GPR158: variants seen among roughly 807,000 people sequenced by gnomAD.
The protein encoded by GPR158 is G protein-coupled receptor 158.
GPR158 carries 30 observed loss-of-function variants against 78.2 expected under a neutral mutation model. The observed-to-expected ratio is 0.38, with a 90% CI of 0.29 to 0.52. The LOEUF is 0.52. Ranked by LOEUF, GPR158 falls within the 20% of genes least tolerant of loss-of-function variation. The probability of loss-of-function intolerance (pLI) is 0.83; values close to 1 mark genes in which losing one functional copy is unlikely to be tolerated. For missense variants in GPR158, 1,463 were observed against 1,523.5 expected, an observed-to-expected ratio of 0.96 and a Z score of 0.66; for synonymous variants, 581 against 591.1, an observed-to-expected ratio of 0.98 and a Z score of 0.25.
intron 2 of GPR158, among the ~76,000 whole-genome samples, chr10:25,366,862 T>C (rs1190899390): frequency 3.3e-5 from 5 of 151,668 alleles, no homozygotes; most frequent in Admixed American, 6.6e-5. Flanking sequence ...TTATTAACCA[T>C]TGTAATGTTC....
intron 4 of GPR158, among the ~76,000 whole-genome samples, chr10:25,443,742 CT>C (rs34049159): frequency 6.7e-6 from 1 of 149,788 alleles, no homozygotes; most frequent in Non-Finnish European, 1.5e-5. Flanking sequence ...CAATGCCCTT[CT>C]TTTTTTTGGT....
In GPR158 at chr10:25,596,663, C is replaced by T; in HGVS notation, c.2019C>T (p.Asn673=). The change falls in exon 10 of 11, where the codon AAC becomes AAT. Residue 673 remains asparagine, a synonymous_variant. Coordinates refer to ENST00000376351, the MANE Select transcript of GPR158 (RefSeq NM_020752.3). ...TTCAGTTTTCACATTCAAGCAATAA[C>T]CCACGAGATGATATTGCTACAGAAG... ...LIPKFSHSSN[N]PRDDIATEAY... is the part of the protein sequence containing the mutation. 6.2e-7 allele frequency: 1 copy of T among 1,613,320 alleles called. No homozygotes were observed. The highest frequency in any genetic ancestry group is 1.1e-5 in the South Asian group (1 of 91,022).
intron 5 of GPR158, among the ~76,000 whole-genome samples, chr10:25,547,238 C>G (rs977686171): frequency 2.0e-5 from 3 of 152,106 alleles, no homozygotes; most frequent in Non-Finnish European, 4.4e-5. Context: ...CGTGCTGTAG[C>G]CGGATGGATT....
At chr10:25,275,160 C>T (rs1024982856) in intron 2 of GPR158, among the ~76,000 whole-genome samples, 1 of 152,172 alleles carries the variant, frequency 6.6e-6, no homozygotes. Context: ...TCTGCAGGCA[C>T]TGTTCCACAG....
intron 5 of GPR158, among the ~76,000 whole-genome samples, chr10:25,508,398 C>T (rs1487770228): frequency 6.6e-6 from 1 of 152,108 alleles, no homozygotes; most frequent in East Asian, 1.9e-4. Flanking sequence ...TAAGGGAAGT[C>T]AAGCACATAT....
At chr10:25,356,645 A>C (rs926035026) in intron 2 of GPR158, among the ~76,000 whole-genome samples, 1 of 152,110 alleles carries the variant, frequency 6.6e-6, no homozygotes, top group Non-Finnish European at 1.5e-5. Context: ...GCTGCTGTGC[A>C]CATAAGATGT....
chr10:25,178,708 T>C (rs1852574420), intron 1 of GPR158, among the ~76,000 whole-genome samples: 1 of 152,208 alleles, frequency 6.6e-6, no homozygotes, highest in Non-Finnish European at 1.5e-5. Context: ...CTGTGAGTGC[T>C]TTGGCCCCAT....
chr10:25,433,689 TC>T (rs781608160), intron 4 of GPR158, among the ~76,000 whole-genome samples: 95 of 77,898 alleles, frequency 1.2e-3, no homozygotes, highest in Non-Finnish European at 1.5e-3. Context: ...TTTCTTTCTT[TC>T]TTTCTTTTTT....
intron 2 of GPR158, among the ~76,000 whole-genome samples, chr10:25,298,737 T>C (rs1854550511): frequency 6.6e-6 from 1 of 152,196 alleles, no homozygotes; most frequent in Non-Finnish European, 1.5e-5. Context: ...ATTTAAAAAT[T>C]ATTTTTTACT....
chr10:25,446,913 TCTC>T (rs1238819804), intron 4 of GPR158, among the ~76,000 whole-genome samples: 3 of 152,186 alleles, frequency 2.0e-5, no homozygotes, highest in Non-Finnish European at 2.9e-5. Flanking sequence ...TCCAACAAGA[TCTC>T]CTGTCAGTTT....
At chr10:25,473,827 C>G (rs542150022) in intron 5 of GPR158, among the ~76,000 whole-genome samples, 12 of 152,154 alleles carry the variant, frequency 7.9e-5, no homozygotes, top group Admixed American at 7.9e-4. Context: ...CCACCCTGAC[C>G]TTATTTCAGT....
At chr10:25,571,149 A>G (rs528072987) in intron 6 of GPR158, among the ~76,000 whole-genome samples, 2 of 152,332 alleles carry the variant, frequency 1.3e-5, no homozygotes, top group South Asian at 2.1e-4. Flanking sequence ...GGCACTTAAT[A>G]TATTGCATAT....
At chr10:25,579,139 T>G (rs1326392003) in intron 7 of GPR158, among the ~76,000 whole-genome samples, 1 of 151,902 alleles carries the variant, frequency 6.6e-6, no homozygotes, top group East Asian at 1.9e-4. Context: ...AGTACAACTG[T>G]ACGACTGTCA....
chr10:25,473,180 G>A (rs1016827940), intron 5 of GPR158, among the ~76,000 whole-genome samples: 1 of 150,786 alleles, frequency 6.6e-6, no homozygotes, highest in East Asian at 1.9e-4. Context: ...GTTGAATTTT[G>A]TCAAAGGCCT....
chr10:25,332,613 C>T (rs1461500464), intron 2 of GPR158, among the ~76,000 whole-genome samples: 3 of 152,084 alleles, frequency 2.0e-5, no homozygotes, highest in South Asian at 2.1e-4. Flanking sequence ...CTGTAGTTCC[C>T]GACCTGGAGA....
chr10:25,270,394 C>A (rs1479288802), intron 2 of GPR158, among the ~76,000 whole-genome samples: 1 of 151,904 alleles, frequency 6.6e-6, no homozygotes, highest in East Asian at 1.9e-4. Flanking sequence ...TTGAAATTGT[C>A]TGTAAAATAG....
rs1045893397 is a variant in GPR158 at position 25,581,091 on chromosome 10, A to AT, written c.1754-7906dup. Among the ~76,000 whole-genome samples the AT allele has an allele frequency of 9.9e-3, 1,445 of 145,296 alleles. 18 individuals are homozygous for AT. The highest frequency in any genetic ancestry group is 0.034 in the African/African-American group (1,330 of 39,640). ...AGGCGCCCGCCACCGCGCCCGGCTAATTTTTTTTTTGTATTTTTAGTAGAG... is the reference window on the plus strand; with the variant it reads ...AGGCGCCCGCCACCGCGCCCGGCTAATTTTTTTTTTTGTATTTTTAGTAGAG... On this transcript the variant is annotated intron_variant, in intron 7 of 10. Transcript: ENST00000376351.
chr10:25,596,738 C>T lies in GPR158; in HGVS notation c.2094C>T (p.Ser698=). The T allele has an allele frequency of 6.2e-7, 1 of 1,613,476 alleles. No individual in the cohort carries two copies. The stretch of plus-strand genomic sequence containing the variant: ...GCCGATCTGGATCCTACCTGAACAG[C>T]AGTATCAATTCAGCCTGGAGTGAGC... ...DMGRSGSYLN[S]SINSAWSEHS... Residue 698 remains serine (S), a synonymous_variant, in exon 10 of 11, where the codon AGC becomes AGT. Transcript: ENST00000376351.
chr10:25,183,129 G>A (rs1057161859), intron 1 of GPR158, among the ~76,000 whole-genome samples: 1 of 152,088 alleles, frequency 6.6e-6, no homozygotes, highest in Admixed American at 6.6e-5. Flanking sequence ...TACACATAGC[G>A]TAATTTCCAC....
Sources: gnomAD v4.1 joint callset for allele counts (sites outside exome capture counted in the v4.1 genomes callset) on GRCh38, gnomAD v4.1.1 for gene constraint, MANE v1.5 for transcripts, NCBI Gene and HGNC (gene_info 2026-07-23, HGNC 2026-07-21) for gene names.